Variants in ADGRL3 observed in about 807,000 individuals in gnomAD.
ADGRL3 encodes adhesion G protein-coupled receptor L3.
Under a neutral mutation model 153.5 loss-of-function variants are expected in ADGRL3, and 62 were observed. The ratio of observed to expected loss-of-function variants is 0.40; its 90% CI spans 0.33 to 0.50. The LOEUF (loss-of-function observed/expected upper bound fraction) is 0.50. ADGRL3 is among the 20% of genes least tolerant of loss of function. The pLI, the probability that ADGRL3 is intolerant of heterozygous loss-of-function variation, is 0.47. For synonymous variants in ADGRL3, 710 were observed against 672.5 expected, an observed-to-expected ratio of 1.06 and a Z score of -0.86; for missense variants, 1,641 against 1,859.4, an observed-to-expected ratio of 0.88 and a Z score of 2.16.
chr4:61,276,408 T>C (rs1038015539), intron 1 of ADGRL3, among the ~76,000 whole-genome samples: 2 of 152,168 alleles, frequency 1.3e-5, no homozygotes, highest in African/African-American at 4.8e-5. Flanking sequence ...TCCTTTAAAC[T>C]TAAAGGAACA....
chr4:61,834,966 A>G (rs1400303328), intron 9 of ADGRL3, among the ~76,000 whole-genome samples: 1 of 152,138 alleles, frequency 6.6e-6, no homozygotes, highest in Non-Finnish European at 1.5e-5. Context: ...TGTGGCCAAG[A>G]GCATGATTCT....
intron 1 of ADGRL3, among the ~76,000 whole-genome samples, chr4:61,299,713 C>G (rs1025896143): frequency 6.6e-6 from 1 of 152,002 alleles, no homozygotes; most frequent in Non-Finnish European, 1.5e-5. Context: ...CTTTGGTATA[C>G]GTGAGGGCTA....
chr4:61,837,156 T>C (rs943095029), intron 9 of ADGRL3, among the ~76,000 whole-genome samples: 5 of 152,150 alleles, frequency 3.3e-5, no homozygotes, highest in African/African-American at 1.2e-4. Flanking sequence ...AAAGAGTAAC[T>C]ACATTTTTTA....
chr4:61,706,209 C>A (rs541961356), intron 6 of ADGRL3, among the ~76,000 whole-genome samples: 1 of 151,900 alleles, frequency 6.6e-6, no homozygotes, highest in African/African-American at 2.4e-5. Context: ...ATCACAAGGT[C>A]AGGAGTTCGA....
At chr4:61,443,953 C>G (rs945613227) in intron 2 of ADGRL3, among the ~76,000 whole-genome samples, 3 of 151,996 alleles carry the variant, frequency 2.0e-5, no homozygotes, top group Admixed American at 2.0e-4. Flanking sequence ...GATTTTGATG[C>G]CTGAATCAGT....
chr4:61,636,007 C>T (rs1257603064), intron 5 of ADGRL3, among the ~76,000 whole-genome samples: 1 of 152,040 alleles, frequency 6.6e-6, no homozygotes, highest in Admixed American at 6.6e-5. Context: ...ACCTTATCTA[C>T]AAACAGAGAC....
At chr4:61,412,374 C>T (rs922683110) in intron 2 of ADGRL3, among the ~76,000 whole-genome samples, 56 of 152,218 alleles carry the variant, frequency 3.7e-4, no homozygotes, top group African/African-American at 1.3e-3. Flanking sequence ...AGGTGTGGTC[C>T]CCCACACCAG....
chr4:61,495,429 AAGAC>A (rs925753652), intron 2 of ADGRL3, among the ~76,000 whole-genome samples: 13 of 151,886 alleles, frequency 8.6e-5, no homozygotes, highest in Admixed American at 3.3e-4. Flanking sequence ...AAAGAAAAGA[AAGAC>A]AGAAAGAATG....
chr4:61,932,101 G>A (rs576951143), intron 13 of ADGRL3, among the ~76,000 whole-genome samples: 2 of 151,858 alleles, frequency 1.3e-5, no homozygotes, highest in South Asian at 4.2e-4. Flanking sequence ...GAGTCTTTCA[G>A]GTTTTCTGTA....
intron 9 of ADGRL3, among the ~76,000 whole-genome samples, chr4:61,838,311 A>T (rs979806199): frequency 3.9e-5 from 6 of 152,182 alleles, no homozygotes; most frequent in Non-Finnish European, 8.8e-5. Flanking sequence ...CAGCTATTTT[A>T]AGAGGGTGTT....
intron 2 of ADGRL3, among the ~76,000 whole-genome samples, chr4:61,431,737 A>C (rs1490369349): frequency 1.3e-5 from 2 of 152,246 alleles, no homozygotes; most frequent in African/African-American, 2.4e-5. Context: ...ATTTTAAGTC[A>C]TAATATGGAT....
At chr4:61,562,558 C>T (rs1194857178) in intron 4 of ADGRL3, among the ~76,000 whole-genome samples, 1 of 152,144 alleles carries the variant, frequency 6.6e-6, no homozygotes, top group Non-Finnish European at 1.5e-5. Flanking sequence ...AGAATGTTCA[C>T]CCGGAGTAGA....
intron 1 of ADGRL3, among the ~76,000 whole-genome samples, chr4:61,262,967 G>T (rs559906663): frequency 2.2e-4 from 34 of 152,136 alleles, no homozygotes; most frequent in African/African-American, 7.9e-4. Context: ...GGGAAGATTT[G>T]CAAAATAGCC....
At chr4:61,488,221 T>A (rs1451708361) in intron 2 of ADGRL3, among the ~76,000 whole-genome samples, 1 of 152,066 alleles carries the variant, frequency 6.6e-6, no homozygotes, top group African/African-American at 2.4e-5. Context: ...GAAACTTTTA[T>A]GCTAGAAAAG....
intron 15 of ADGRL3, among the ~76,000 whole-genome samples, chr4:61,946,691 T>G (rs1291995150): frequency 2.0e-5 from 3 of 152,188 alleles, no homozygotes; most frequent in Non-Finnish European, 4.4e-5. Context: ...GTTTTGAGTA[T>G]GGAGTGAGAT....
intron 21 of ADGRL3, among the ~76,000 whole-genome samples, chr4:62,016,808 A>G (rs1208510506): frequency 2.6e-5 from 4 of 152,084 alleles, no homozygotes; most frequent in Non-Finnish European, 4.4e-5. Flanking sequence ...GTTAAGTCAT[A>G]CCATTCATAC....
chr4:62,032,721 GAA>G (rs1468974024), intron 23 of ADGRL3, among the ~76,000 whole-genome samples: 1 of 151,552 alleles, frequency 6.6e-6, no homozygotes, highest in African/African-American at 2.4e-5. Context: ...ACAAGAAGTT[GAA>G]AAGAGTGTCC....
intron 1 of ADGRL3, among the ~76,000 whole-genome samples, chr4:61,225,794 G>T (rs949298713): frequency 2.6e-5 from 4 of 152,180 alleles, no homozygotes; most frequent in Non-Finnish European, 2.9e-5. Flanking sequence ...CCAGTGAACA[G>T]TCAAAATGTT....
chr4:61,726,210 G>GTTTTTCTTTTTTTTTTTTTTTTTT (rs2096336878), intron 6 of ADGRL3, among the ~76,000 whole-genome samples: 1 of 118,480 alleles, frequency 8.4e-6, no homozygotes, highest in Non-Finnish European at 1.7e-5. Flanking sequence ...TTTTTTTTTT[G>GTTTTTCTTTTTTTTTTTTTTTTTT]TTTTTTGAGA....
Sources: gnomAD v4.1 joint callset for allele counts (sites outside exome capture counted in the v4.1 genomes callset) on GRCh38, gnomAD v4.1.1 for gene constraint, MANE v1.5 for transcripts, NCBI Gene and HGNC (gene_info 2026-07-23, HGNC 2026-07-21) for gene names.